Variants in XRCC4 observed in about 807,000 individuals in gnomAD.
XRCC4 encodes X-ray repair cross complementing 4.
In XRCC4, 28 loss-of-function variants were observed where a neutral mutation model predicts 39.1. The observed-to-expected ratio is 0.72, with a 90% CI of 0.53 to 0.98. The LOEUF (loss-of-function observed/expected upper bound fraction) is 0.98, where lower values mean the gene tolerates loss of function less well. Ranked by LOEUF, XRCC4 falls within the 50% of genes least tolerant of loss-of-function variation. XRCC4 has a pLI of 0.00. For synonymous variants in XRCC4, 123 were observed against 126.4 expected, an observed-to-expected ratio of 0.97 and a Z score of 0.18; for missense variants, 350 against 376.4, an observed-to-expected ratio of 0.93 and a Z score of 0.58.
intron 1 of XRCC4, among the ~76,000 whole-genome samples, chr5:83,084,473 A>C (rs1329211222): frequency 6.6e-6 from 1 of 152,206 alleles, no homozygotes; most frequent in Non-Finnish European, 1.5e-5. Context: ...TTGTGTTGCC[A>C]AAAAGAAGAA....
chr5:83,199,304 A>G (rs917453710), intron 4 of XRCC4, among the ~76,000 whole-genome samples: 1 of 152,162 alleles, frequency 6.6e-6, no homozygotes, highest in African/African-American at 2.4e-5. Flanking sequence ...CCTTCACGGT[A>G]TAGTTGAAGG....
At chr5:83,113,166 A>G (rs910579440) in intron 3 of XRCC4, among the ~76,000 whole-genome samples, 1 of 152,216 alleles carries the variant, frequency 6.6e-6, no homozygotes, top group Non-Finnish European at 1.5e-5. Context: ...CCCATTTCAA[A>G]TGGGAGAAAT....
intron 6 of XRCC4, among the ~76,000 whole-genome samples, chr5:83,243,410 C>T (rs1260190018): frequency 6.6e-6 from 1 of 152,186 alleles, no homozygotes; most frequent in Non-Finnish European, 1.5e-5. Flanking sequence ...CCTTGACTGG[C>T]ACATGGCTAC....
intron 3 of XRCC4, among the ~76,000 whole-genome samples, chr5:83,185,082 T>C (rs1246667652): frequency 6.6e-6 from 1 of 150,906 alleles, no homozygotes; most frequent in Non-Finnish European, 1.5e-5. Flanking sequence ...GACCAAGGGA[T>C]AAAAAAAGAA....
At chr5:83,102,498 A>G (rs188142034) in intron 1 of XRCC4, among the ~76,000 whole-genome samples, 35 of 152,286 alleles carry the variant, frequency 2.3e-4, no homozygotes, top group Non-Finnish European at 3.8e-4. Flanking sequence ...TCAAATCCTC[A>G]GCAGACATAT....
At chr5:83,082,926 C>T (rs1282937674) in intron 1 of XRCC4, among the ~76,000 whole-genome samples, 3 of 152,068 alleles carry the variant, frequency 2.0e-5, no homozygotes, top group African/African-American at 4.8e-5. Flanking sequence ...TACTTACCAC[C>T]CTGTTTCTTA....
intron 1 of XRCC4, among the ~76,000 whole-genome samples, chr5:83,102,599 C>T (rs1745993729): frequency 6.6e-6 from 1 of 151,994 alleles, no homozygotes; most frequent in African/African-American, 2.4e-5. Context: ...TTTTGTTTCC[C>T]ACACATCTCA....
chr5:83,225,553 A>C (rs1752253638), intron 6 of XRCC4, among the ~76,000 whole-genome samples: 1 of 144,388 alleles, frequency 6.9e-6, no homozygotes, highest in South Asian at 2.3e-4. Flanking sequence ...ACAGTCCCTT[A>C]GGTAGGAGCT....
chr5:83,094,294 T>G, intron 1 of XRCC4, among the ~76,000 whole-genome samples: 1 of 136,998 alleles, frequency 7.3e-6, no homozygotes. Context: ...TCCCCTCCTT[T>G]CCCGTTCCCT....
At chr5:83,192,319 A>ATATATATTT (rs3069585) in intron 3 of XRCC4, among the ~76,000 whole-genome samples, 27 of 143,500 alleles carry the variant, frequency 1.9e-4, no homozygotes, top group African/African-American at 3.4e-4. Context: ...ATATATATAT[A>ATATATATTT]TTTTTTTGAG....
chr5:83,249,980 G>A (rs778721920), intron 6 of XRCC4, among the ~76,000 whole-genome samples: 10 of 151,982 alleles, frequency 6.6e-5, no homozygotes, highest in Non-Finnish European at 1.3e-4. Context: ...TTTGTAAAAA[G>A]TCTAGATTTG....
intron 6 of XRCC4, among the ~76,000 whole-genome samples, chr5:83,222,115 T>G (rs1190374198): frequency 6.6e-6 from 1 of 151,976 alleles, no homozygotes; most frequent in African/African-American, 2.4e-5. Flanking sequence ...TTTTTAAATC[T>G]GATAATCTTT....
At chr5:83,244,252 C>T (rs534821704) in intron 6 of XRCC4, among the ~76,000 whole-genome samples, 4 of 152,148 alleles carry the variant, frequency 2.6e-5, no homozygotes, top group East Asian at 1.9e-4. Flanking sequence ...ATATGCCAGA[C>T]GTTCTGATTT....
chr5:83,272,008 T>C (rs1440017701), intron 7 of XRCC4, among the ~76,000 whole-genome samples: 1 of 152,204 alleles, frequency 6.6e-6, no homozygotes, highest in East Asian at 1.9e-4. Context: ...CCTGGGGTGC[T>C]GGACCAATTG....
At chr5:83,341,515 T>A (rs1421475906) in intron 7 of XRCC4, among the ~76,000 whole-genome samples, 2 of 152,146 alleles carry the variant, frequency 1.3e-5, no homozygotes. Flanking sequence ...GAAATAAAGA[T>A]TTTCTGAACA....
chr5:83,153,422 T>G (rs1035296872), intron 3 of XRCC4, among the ~76,000 whole-genome samples: 3 of 152,152 alleles, frequency 2.0e-5, no homozygotes, highest in Non-Finnish European at 4.4e-5. Flanking sequence ...GCCAGACTTG[T>G]TATTATATAT....
intron 3 of XRCC4, among the ~76,000 whole-genome samples, chr5:83,113,594 C>A (rs1746551979): frequency 6.6e-6 from 1 of 152,068 alleles, no homozygotes. Context: ...CTGCAGCAAA[C>A]TTCTGCCTGG....
intron 7 of XRCC4, among the ~76,000 whole-genome samples, chr5:83,351,710 C>T (rs1342476918): frequency 6.6e-6 from 1 of 152,218 alleles, no homozygotes; most frequent in East Asian, 1.9e-4. Flanking sequence ...CCTTGGCACT[C>T]CTGTGATGAT....
chr5:83,126,369 A>G (rs1747266193), intron 3 of XRCC4, among the ~76,000 whole-genome samples: 2 of 152,086 alleles, frequency 1.3e-5, no homozygotes, highest in South Asian at 2.1e-4. Flanking sequence ...TTAACCGTAT[A>G]TTCTCCAAAC....
Sources: gnomAD v4.1 joint callset for allele counts (sites outside exome capture counted in the v4.1 genomes callset) on GRCh38, gnomAD v4.1.1 for gene constraint, MANE v1.5 for transcripts, NCBI Gene and HGNC (gene_info 2026-07-23, HGNC 2026-07-21) for gene names.